SYNE1: variants seen among roughly 807,000 people sequenced by gnomAD.
SYNE1 encodes the protein nesprin-1.
A neutral mutation model predicts 1,111.0 loss-of-function variants in SYNE1; 616 were observed. The observed-to-expected ratio is 0.55, with a 90% CI of 0.52 to 0.59. The LOEUF (loss-of-function observed/expected upper bound fraction) is 0.59. Ranked by LOEUF, SYNE1 falls within the 20% of genes least tolerant of loss-of-function variation. SYNE1 has a pLI of 0.00. For missense variants in SYNE1, 10,006 were observed against 10,417.0 expected, an observed-to-expected ratio of 0.96 and a Z score of 1.72; for synonymous variants, 3,855 against 3,825.8, an observed-to-expected ratio of 1.01 and a Z score of -0.28.
In SYNE1 at chr6:152,229,741, A is replaced by T. The variant is rs143780677; in HGVS notation, c.21195+806T>A. Among the ~76,000 whole-genome samples the T allele has an allele frequency of 6.5e-3, 994 of 152,288 alleles. 13 individuals carry two copies. The highest frequency in any genetic ancestry group is 0.023 in the African/African-American group (961 of 41,564). On this transcript the variant is annotated intron_variant, in intron 115 of 145. Coordinates refer to ENST00000367255, the MANE Select transcript of SYNE1 (RefSeq NM_182961.4). ...TGCGACAGGTTATGGTCTTAAAAAA[A>T]TATTCAAAAGATTTAAGAGATCTAA...
chr6:152,412,034 A>G (rs2098062673), intron 42 of SYNE1, among the ~76,000 whole-genome samples: 1 of 152,232 alleles, frequency 6.6e-6, no homozygotes, highest in South Asian at 2.1e-4. Flanking sequence ...TACTTTATTT[A>G]TAATCATCCA....
intron 131 of SYNE1, among the ~76,000 whole-genome samples, chr6:152,161,674 T>G (rs896887184): frequency 6.6e-6 from 1 of 152,168 alleles, no homozygotes; most frequent in Non-Finnish European, 1.5e-5. Context: ...TGGTGAGGAT[T>G]CTTGCCTACC....
chr6:152,347,670 T>G (rs982297197), intron 72 of SYNE1, among the ~76,000 whole-genome samples: 1 of 144,374 alleles, frequency 6.9e-6, no homozygotes, highest in Non-Finnish European at 1.5e-5. Flanking sequence ...AGTAGTTGTG[T>G]TTTTTGTCAT....
intron 70 of SYNE1, 69 bp downstream of exon 70, chr6:152,351,958 G>A (rs758308315): frequency 1.4e-5 from 20 of 1,480,492 alleles, no homozygotes; most frequent in Non-Finnish European, 1.9e-5. Flanking sequence ...CACCCAGCAA[G>A]AATCACCTCC....
chr6:152,231,647 CTTAATA>C (rs2082773496), intron 113 of SYNE1, 80 bp from the exon 114 acceptor site: 5 of 1,413,720 alleles, frequency 3.5e-6, no homozygotes, highest in African/African-American at 2.9e-5. Flanking sequence ...CTTAAGTAAC[CTTAATA>C]TTAATATTAT....
intron 119 of SYNE1, 122 bp downstream of exon 119, chr6:152,220,720 A>T: frequency 1.1e-6 from 1 of 893,082 alleles, no homozygotes; most frequent in South Asian, 1.3e-5. Flanking sequence ...TGATCCTAAG[A>T]CAGTTATTTT....
At position 152,416,844 on chromosome 6, in the gene SYNE1, G is replaced by A. The variant is rs759689685; in HGVS notation, c.5593C>T (p.Leu1865Phe). 6.2e-7 allele frequency: 1 copy of A among 1,614,108 alleles called. No individual in the cohort carries two copies. The highest frequency in any genetic ancestry group is 2.2e-5 in the East Asian group (1 of 44,866). The part of the protein sequence containing the change: ...EASQVVERRQ[L>F]ALSHLAEFLQ... ...AATTCTGCCAAATGGGACAGGGCAA[G>A]CTGCCGCCTCTCCACAACCTGGCTG... The change falls in exon 41 of 146, where the codon CTT becomes TTT. Residue 1865 changes from leucine (L) to phenylalanine (F), a missense_variant. By Grantham distance (22) the Leu-to-Phe change is conservative. Transcript: ENST00000367255.
At chr6:152,537,626 A>C (rs2099249841) in intron 4 of SYNE1, among the ~76,000 whole-genome samples, 1 of 152,166 alleles carries the variant, frequency 6.6e-6, no homozygotes, top group South Asian at 2.1e-4. Flanking sequence ...TCAAAAGTAT[A>C]TTAATTTGCA....
chr6:152,194,627 C>T (rs865934343), intron 127 of SYNE1, among the ~76,000 whole-genome samples: 2 of 152,252 alleles, frequency 1.3e-5, no homozygotes, highest in African/African-American at 4.8e-5. Flanking sequence ...CTTTTGAAGG[C>T]CAATAAGTCT....
intron 3 of SYNE1, among the ~76,000 whole-genome samples, chr6:152,599,506 C>T (rs536483119): frequency 1.4e-4 from 22 of 152,276 alleles, no homozygotes; most frequent in Middle Eastern, 3.4e-3. Flanking sequence ...GGAATTAGTG[C>T]TGTGGACACT....
At chr6:152,590,181 G>A (rs904261096) in intron 3 of SYNE1, among the ~76,000 whole-genome samples, 2 of 150,756 alleles carry the variant, frequency 1.3e-5, no homozygotes, top group African/African-American at 4.9e-5. Flanking sequence ...CTCCCACCTT[G>A]GCCTTCCAAA....
intron 21 of SYNE1, among the ~76,000 whole-genome samples, chr6:152,459,333 G>A (rs368613544): frequency 2.0e-5 from 3 of 152,232 alleles, no homozygotes; most frequent in East Asian, 3.9e-4. Flanking sequence ...AGACCAACCT[G>A]TGTCTTCCAG....
At chr6:152,634,003 G>GA (rs2099702124) in intron 2 of SYNE1, among the ~76,000 whole-genome samples, 1 of 152,236 alleles carries the variant, frequency 6.6e-6, no homozygotes, top group Non-Finnish European at 1.5e-5. Flanking sequence ...CACTCCCTGT[G>GA]AAAAAACACA....
intron 3 of SYNE1, among the ~76,000 whole-genome samples, chr6:152,585,395 C>T (rs1431844975): frequency 6.6e-6 from 1 of 152,176 alleles, no homozygotes; most frequent in African/African-American, 2.4e-5. Flanking sequence ...GCAAATAGAT[C>T]CGTGGGATAA....
intron 3 of SYNE1, among the ~76,000 whole-genome samples, chr6:152,548,638 C>T (rs2099326396): frequency 6.6e-6 from 1 of 152,154 alleles, no homozygotes; most frequent in Non-Finnish European, 1.5e-5. Flanking sequence ...GATGCCAAAC[C>T]AAAGGCTGGA....
intron 4 of SYNE1, among the ~76,000 whole-genome samples, chr6:152,535,128 T>C (rs2099228357): frequency 6.6e-6 from 1 of 152,192 alleles, no homozygotes; most frequent in Non-Finnish European, 1.5e-5. Context: ...ATATGACTAG[T>C]GCCCTCACAC....
chr6:152,400,699 G>A (rs2097800036), intron 47 of SYNE1, among the ~76,000 whole-genome samples: 2 of 152,036 alleles, frequency 1.3e-5, no homozygotes, highest in Admixed American at 6.6e-5. Flanking sequence ...CATGGAAATA[G>A]AATGTTTTCT....
chr6:152,499,996 A>G (rs2099020538), intron 10 of SYNE1, among the ~76,000 whole-genome samples: 1 of 152,208 alleles, frequency 6.6e-6, no homozygotes, highest in Non-Finnish European at 1.5e-5. Flanking sequence ...ACTCCTGCTC[A>G]TGAGCATTAA....
At position 152,376,401 on chromosome 6, in the gene SYNE1, T is replaced by C. The variant is rs1218329592; in HGVS notation, c.9304A>G (p.Thr3102Ala). 1.2e-6 allele frequency: 2 copies of C among 1,614,092 alleles called. No homozygotes were observed. Among genetic ancestry groups the C allele is most frequent in the African/African-American group, 2.7e-5 (2 of 74,950 alleles). ...CTTACCTGTATTTTCTGAAGACTAG[T>C]TGAAACTTCACTTATATTTTGAGGT... ...DIPQNISEVSTSLQKIQEFLS... is the reference protein window; with the variant it reads ...DIPQNISEVSASLQKIQEFLS... The change falls in exon 58 of 146, where the codon ACT becomes GCT. Residue 3102 changes from threonine (T) to alanine (A), a missense_variant. By Grantham distance (58) the Thr-to-Ala change is moderately conservative. Coordinates refer to ENST00000367255, the MANE Select transcript of SYNE1 (RefSeq NM_182961.4).
Sources: gnomAD v4.1 joint callset for allele counts (sites outside exome capture counted in the v4.1 genomes callset) on GRCh38, gnomAD v4.1.1 for gene constraint, MANE v1.5 for transcripts, NCBI Gene and HGNC (gene_info 2026-07-23, HGNC 2026-07-21) for gene names.